Variants in ANKRD12 observed in about 807,000 individuals in gnomAD.
The protein encoded by ANKRD12 is ankyrin repeat domain 12.
Under a neutral mutation model 183.4 loss-of-function variants are expected in ANKRD12, and 85 were observed. The observed-to-expected ratio is 0.46, with a 90% CI of 0.39 to 0.56. The LOEUF (loss-of-function observed/expected upper bound fraction) is 0.56, where lower values mean the gene tolerates loss of function less well. ANKRD12 is among the 20% of genes least tolerant of loss of function. The pLI, the probability that ANKRD12 is intolerant of heterozygous loss-of-function variation, is 0.00. For synonymous variants in ANKRD12, 914 were observed against 800.2 expected (o/e 1.14, Z -2.40); for missense variants, 2,405 against 2,357.1 (o/e 1.02, Z -0.42).
intron 8 of ANKRD12, among the ~76,000 whole-genome samples, chr18:9,236,658 G>T (rs200299026): frequency 1.3e-4 from 1 of 7,666 alleles, no homozygotes; most frequent in Non-Finnish European, 4.3e-4. Context: ...CAGAACTAAC[G>T]TGTATAATAG....
intron 1 of ANKRD12, among the ~76,000 whole-genome samples, chr18:9,137,317 G>A (rs2078141638): frequency 6.8e-6 from 1 of 146,522 alleles, no homozygotes; most frequent in African/African-American, 2.4e-5. Flanking sequence ...GGCGGGGGCC[G>A]GGCGGAGGGC....
At chr18:9,145,128 A>G (rs1052255648) in intron 1 of ANKRD12, among the ~76,000 whole-genome samples, 1 of 152,142 alleles carries the variant, frequency 6.6e-6, no homozygotes, top group South Asian at 2.1e-4. Context: ...AGTTTTTGTT[A>G]GTTTTATTTT....
At chr18:9,244,794 C>T (rs1162111542) in intron 8 of ANKRD12, among the ~76,000 whole-genome samples, 2 of 152,102 alleles carry the variant, frequency 1.3e-5, no homozygotes, top group Non-Finnish European at 2.9e-5. Context: ...TAGATCAGGT[C>T]ATTTAAAAGG....
chr18:9,259,000 CG>C, intron 9 of ANKRD12, 69 bp downstream of exon 9: 1 of 1,459,504 alleles, frequency 6.9e-7, no homozygotes, highest in South Asian at 1.6e-5. Context: ...TAGCCACATA[CG>C]TAATTTGAAG....
chr18:9,240,504 C>T (rs1242953813), intron 8 of ANKRD12, among the ~76,000 whole-genome samples: 1 of 152,068 alleles, frequency 6.6e-6, no homozygotes, highest in Non-Finnish European at 1.5e-5. Context: ...ACATAACACC[C>T]CTCCCGCATA....
intron 4 of ANKRD12, 85 bp downstream of exon 4, chr18:9,204,629 T>C: frequency 9.7e-7 from 1 of 1,028,386 alleles, no homozygotes; most frequent in South Asian, 1.5e-5. Context: ...TAACTTACTT[T>C]CAAACCAGCA....
intron 5 of ANKRD12, among the ~76,000 whole-genome samples, chr18:9,209,395 T>A (rs1348051814): frequency 3.9e-5 from 6 of 152,190 alleles, no homozygotes; most frequent in African/African-American, 1.4e-4. Flanking sequence ...ATCACTTTTG[T>A]CTGGAGAAAA....
chr18:9,231,192 T>C (rs1200059968), intron 8 of ANKRD12, among the ~76,000 whole-genome samples: 1 of 152,200 alleles, frequency 6.6e-6, no homozygotes, highest in Non-Finnish European at 1.5e-5. Flanking sequence ...CAGTCACATG[T>C]TCCATGTGCT....
rs2040196089 is a variant in ANKRD12, at chr18:9,285,217, A to G, written c.*4091A>G. 6.6e-6 allele frequency: 1 copy of G among 151,144 alleles called. No homozygotes were observed. Among genetic ancestry groups the G allele is most frequent in the African/African-American group, 2.4e-5 (1 of 41,292 alleles). The allele number at this position is 151,144 out of a possible 1,614,324, so 9.4% of individuals were successfully genotyped here. On this transcript the variant is annotated 3_prime_UTR_variant, in exon 13 of 13. Transcript: ENST00000262126. ...GAGCGAGACTCCGTCTCAAAAAAAAAAAAAAAGAAAGAAAAGAAAATAGGC... is the reference window on the plus strand; with the variant it reads ...GAGCGAGACTCCGTCTCAAAAAAAAGAAAAAAGAAAGAAAAGAAAATAGGC...
intron 1 of ANKRD12, among the ~76,000 whole-genome samples, chr18:9,176,175 A>T (rs1380330398): frequency 1.3e-5 from 2 of 152,222 alleles, no homozygotes; most frequent in Non-Finnish European, 2.9e-5. Flanking sequence ...GGAGTCACAG[A>T]TAGGTGAACA....
intron 1 of ANKRD12, among the ~76,000 whole-genome samples, chr18:9,167,887 G>C (rs143885240): frequency 6.6e-6 from 1 of 152,068 alleles, no homozygotes; most frequent in African/African-American, 2.4e-5. Context: ...TTTGAGATAC[G>C]TCCCATCAAT....
intron 8 of ANKRD12, among the ~76,000 whole-genome samples, chr18:9,236,046 G>A (rs1376025203): frequency 6.6e-6 from 1 of 151,828 alleles, no homozygotes; most frequent in Admixed American, 6.6e-5. Flanking sequence ...ACCAGCAATA[G>A]TGATAGTTCT....
Position 9,201,080 on chromosome 18 carries a change from G to A in ANKRD12, c.236-3396G>A, listed in dbSNP as rs187185468. On this transcript the variant is annotated intron_variant, in intron 3 of 12. Transcript: ENST00000262126. Reference sequence around the variant, plus strand: ...TTAGTTAGCCTATTCTAGTTGCAGCGGAGTCTGAAAAATCATACTTTTAGC... The same window carrying A: ...TTAGTTAGCCTATTCTAGTTGCAGCAGAGTCTGAAAAATCATACTTTTAGC... Among the ~76,000 whole-genome samples the A allele has an allele frequency of 2.8e-3, 430 of 152,234 alleles. 1 individual carries two copies. Among genetic ancestry groups the A allele is most frequent in the African/African-American group, 0.01 (416 of 41,536 alleles).
chr18:9,259,016 C>CTAG, intron 9 of ANKRD12, 85 bp downstream of exon 9: 1 of 1,412,510 alleles, frequency 7.1e-7, no homozygotes, highest in South Asian at 1.6e-5. Flanking sequence ...TTGAAGTTTT[C>CTAG]TAGTAGATAG....
intron 1 of ANKRD12, among the ~76,000 whole-genome samples, chr18:9,173,155 C>T (rs1007780162): frequency 2.0e-4 from 31 of 151,582 alleles, no homozygotes; most frequent in Non-Finnish European, 3.8e-4. Context: ...CTGCAACCTC[C>T]GCCTCCCGGG....
chr18:9,277,729 AACATTAAGAAATTTCT>A, intron 11 of ANKRD12, among the ~76,000 whole-genome samples: 1 of 136,350 alleles, frequency 7.3e-6, no homozygotes, highest in Non-Finnish European at 1.6e-5. Context: ...GTTAGACAAA[AACATTAAGAAATTTCT>A]GATAAGATTT....
intron 7 of ANKRD12, among the ~76,000 whole-genome samples, chr18:9,218,634 T>C (rs1405857959): frequency 6.6e-6 from 1 of 152,024 alleles, no homozygotes; most frequent in Non-Finnish European, 1.5e-5. Context: ...TGTTTGTAAA[T>C]GTATAGTAAT....
intron 2 of ANKRD12, among the ~76,000 whole-genome samples, chr18:9,189,839 G>A (rs1245211548): frequency 1.3e-5 from 2 of 152,210 alleles, no homozygotes; most frequent in Non-Finnish European, 2.9e-5. Context: ...TGTCACCCAA[G>A]AGCTCTGACA....
intron 11 of ANKRD12, among the ~76,000 whole-genome samples, chr18:9,279,110 CTTCA>C (rs2039991064): frequency 1.3e-5 from 1 of 79,258 alleles, no homozygotes; most frequent in Non-Finnish European, 2.7e-5. Context: ...GAAAGAATTT[CTTCA>C]TGAGCACCGC....
Sources: allele counts gnomAD v4.1 joint callset (sites outside exome capture counted in the v4.1 genomes callset), GRCh38; gene constraint gnomAD v4.1.1; transcripts MANE v1.5; gene names NCBI Gene and HGNC (gene_info 2026-07-23, HGNC 2026-07-21).